VDAC1: variants seen among roughly 807,000 people sequenced by gnomAD.
VDAC1 encodes non-selective voltage-gated ion channel VDAC1.
VDAC1 carries 10 observed loss-of-function variants against 34.7 expected under a neutral mutation model. The ratio of observed to expected loss-of-function variants is 0.29; its 90% CI spans 0.18 to 0.49. VDAC1 has a LOEUF of 0.49. Among genes scored for constraint, VDAC1 ranks in the 20% least tolerant of loss-of-function variants. The pLI, the probability that VDAC1 is intolerant of heterozygous loss-of-function variation, is 0.99. For synonymous variants in VDAC1, 130 were observed against 136.0 expected, an observed-to-expected ratio of 0.96 and a Z score of 0.30; for missense variants, 230 against 347.9, an observed-to-expected ratio of 0.66 and a Z score of 2.69.
At chr5:133,973,095 G>A (rs952642453) in intron 8 of VDAC1, among the ~76,000 whole-genome samples, 1 of 152,144 alleles carries the variant, frequency 6.6e-6, no homozygotes, top group African/African-American at 2.4e-5. Context: ...ATCTACTTCT[G>A]GAACCCCACT....
chr5:134,001,228 CCA>C (rs1006731051), intron 1 of VDAC1, among the ~76,000 whole-genome samples: 3 of 152,230 alleles, frequency 2.0e-5, no homozygotes, highest in African/African-American at 7.2e-5. Context: ...AATCCCAACT[CCA>C]CTCCTGCCAG....
chr5:133,986,677 C>T (rs569583347), intron 5 of VDAC1, among the ~76,000 whole-genome samples: 8 of 152,302 alleles, frequency 5.3e-5, no homozygotes, highest in East Asian at 1.9e-4. Flanking sequence ...TGAGCCCCCG[C>T]GCCAGGCCTA....
chr5:133,995,755 T>C (rs1241600336), intron 1 of VDAC1, among the ~76,000 whole-genome samples: 3 of 152,148 alleles, frequency 2.0e-5, no homozygotes, highest in Non-Finnish European at 2.9e-5. Flanking sequence ...AAAATGCCCA[T>C]TTTTACACAG....
chr5:134,026,671 C>A, the VDAC1 span, among the ~76,000 whole-genome samples: 1 of 152,186 alleles, frequency 6.6e-6, no homozygotes. Flanking sequence ...ACCAGCCAAG[C>A]CAGCTGCATT....
intron 1 of VDAC1, among the ~76,000 whole-genome samples, chr5:133,998,378 A>G (rs1048912470): frequency 1.4e-4 from 21 of 151,490 alleles, no homozygotes; most frequent in African/African-American, 4.1e-4. Flanking sequence ...AAGAATTTCA[A>G]TACAAAAATT....
chr5:134,055,593 T>TTG, the VDAC1 span, among the ~76,000 whole-genome samples: 14 of 34,014 alleles, frequency 4.1e-4, 1 homozygote, highest in East Asian at 9.5e-3. Context: ...CTAATGTTTT[T>TTG]TTTTTTTTTT....
chr5:134,002,285 G>A (rs1420082269), intron 1 of VDAC1, among the ~76,000 whole-genome samples: 3 of 152,206 alleles, frequency 2.0e-5, no homozygotes, highest in African/African-American at 4.8e-5. Flanking sequence ...CACTTTCTGA[G>A]CTACGAATAA....
intron 5 of VDAC1, 58 bp from the exon 6 acceptor site, chr5:133,981,014 G>T: frequency 1.8e-5 from 25 of 1,374,834 alleles, no homozygotes; most frequent in South Asian, 3.9e-5. Context: ...AATGCAAGTT[G>T]TCTTTTTTTT....
intron 5 of VDAC1, among the ~76,000 whole-genome samples, chr5:133,986,640 C>T (rs1752917547): frequency 6.6e-6 from 1 of 152,182 alleles, no homozygotes; most frequent in Non-Finnish European, 1.5e-5. Flanking sequence ...CCTGCCTCAG[C>T]ATTCCAAAGT....
At chr5:134,054,001 C>T in the VDAC1 span, among the ~76,000 whole-genome samples, 1 of 152,174 alleles carries the variant, frequency 6.6e-6, no homozygotes, top group Non-Finnish European at 1.5e-5. Flanking sequence ...TGCTGTTTGT[C>T]ACTGACAATG....
the VDAC1 span, among the ~76,000 whole-genome samples, chr5:134,058,010 C>A: frequency 1.3e-5 from 2 of 152,078 alleles, no homozygotes; most frequent in African/African-American, 2.4e-5. Context: ...AATCCTCCCA[C>A]CTCAGCCTCC....
chr5:134,067,046 T>C, the VDAC1 span, among the ~76,000 whole-genome samples: 2 of 151,896 alleles, frequency 1.3e-5, no homozygotes, highest in African/African-American at 4.8e-5. Flanking sequence ...TTTTTCCCCC[T>C]CTTTTCCTGC....
the VDAC1 span, among the ~76,000 whole-genome samples, chr5:134,043,253 G>A: frequency 2.0e-5 from 3 of 152,306 alleles, no homozygotes; most frequent in Admixed American, 6.5e-5. Context: ...TCACCTCTCC[G>A]AATAGTTTCA....
chr5:133,982,307 T>TGA (rs1752727086), intron 5 of VDAC1, among the ~76,000 whole-genome samples: 3 of 151,914 alleles, frequency 2.0e-5, no homozygotes, highest in Admixed American at 6.6e-5. Context: ...AGGTCAGAAG[T>TGA]TCGAGACCAG....
At chr5:134,026,046 G>A in the VDAC1 span, among the ~76,000 whole-genome samples, 1 of 152,104 alleles carries the variant, frequency 6.6e-6, no homozygotes, top group African/African-American at 2.4e-5. Flanking sequence ...GCCACGGGGA[G>A]TCATTGCCGG....
the VDAC1 span, among the ~76,000 whole-genome samples, chr5:134,098,665 T>G: frequency 6.6e-6 from 1 of 152,240 alleles, no homozygotes; most frequent in African/African-American, 2.4e-5. Context: ...GCCCCAGGCC[T>G]CTAGGCCTTC....
At chr5:134,008,607 ACCCC>A (rs1023428600), upstream of VDAC1, among the ~76,000 whole-genome samples, 3 of 151,508 alleles carry the variant, frequency 2.0e-5, no homozygotes, top group African/African-American at 7.3e-5. Flanking sequence ...AACCTATTCC[ACCCC>A]CCTTTCAAGA....
the VDAC1 span, among the ~76,000 whole-genome samples, chr5:134,039,161 C>A: frequency 5.9e-5 from 9 of 152,254 alleles, no homozygotes; most frequent in South Asian, 2.1e-4. Context: ...TCCTCCCTTG[C>A]CTGTGGGCCA....
chr5:134,114,417 C>G, the VDAC1 span, among the ~76,000 whole-genome samples: 2 of 152,154 alleles, frequency 1.3e-5, no homozygotes, highest in African/African-American at 2.4e-5. Flanking sequence ...GAGGAGAAAC[C>G]TGGGCGCAGA....
Sources: gnomAD v4.1 joint callset for allele counts (sites outside exome capture counted in the v4.1 genomes callset) on GRCh38, gnomAD v4.1.1 for gene constraint, MANE v1.5 for transcripts, NCBI Gene and HGNC (gene_info 2026-07-23, HGNC 2026-07-21) for gene names.